The following GRIN2A variants were observed in gnomAD, a reference collection of about 807,000 sequenced individuals.
The protein encoded by GRIN2A is glutamate ionotropic receptor NMDA type subunit 2A.
A neutral mutation model predicts 113.4 loss-of-function variants in GRIN2A; 22 were observed. The observed-to-expected ratio is 0.19, with a 90% CI of 0.14 to 0.28. GRIN2A has a LOEUF of 0.28. Among genes scored for constraint, GRIN2A ranks in the 10% least tolerant of loss-of-function variants. GRIN2A has a pLI of 1.00. For synonymous variants in GRIN2A, 827 were observed against 738.4 expected, an observed-to-expected ratio of 1.12 and a Z score of -1.94; for missense variants, 1,502 against 1,887.0, an observed-to-expected ratio of 0.80 and a Z score of 3.78.
chr16:10,105,261 A>G (rs565455534), intron 2 of GRIN2A, among the ~76,000 whole-genome samples: 78 of 152,164 alleles, frequency 5.1e-4, no homozygotes, highest in Admixed American at 1.2e-3. Flanking sequence ...GCCCACCCCC[A>G]AAGAGGAAAA....
chr16:9,827,071 TG>T (rs36095019), intron 9 of GRIN2A, among the ~76,000 whole-genome samples: 40,236 of 152,152 alleles, frequency 0.26, 5,481 homozygotes, highest in African/African-American at 0.31. Context: ...GCTTCATGTC[TG>T]CAGAGGGATT....
intron 2 of GRIN2A, among the ~76,000 whole-genome samples, chr16:10,038,117 T>C (rs1235296876): frequency 2.6e-5 from 4 of 152,166 alleles, no homozygotes; most frequent in Non-Finnish European, 4.4e-5. Flanking sequence ...GGTTGGGAAG[T>C]CCAAGATCAA....
At chr16:9,951,692 C>G (rs2045186598) in intron 2 of GRIN2A, among the ~76,000 whole-genome samples, 1 of 152,076 alleles carries the variant, frequency 6.6e-6, no homozygotes, top group South Asian at 2.1e-4. Flanking sequence ...TTGTTTTTTT[C>G]TCCGAAGTGA....
At chr16:9,962,389 C>T (rs867186428) in intron 2 of GRIN2A, among the ~76,000 whole-genome samples, 27 of 152,194 alleles carry the variant, frequency 1.8e-4, no homozygotes, top group Non-Finnish European at 2.4e-4. Flanking sequence ...TATCCAGAAT[C>T]TACAATGAAC....
intron 10 of GRIN2A, among the ~76,000 whole-genome samples, chr16:9,813,299 T>C (rs149491052): frequency 2.0e-5 from 3 of 152,304 alleles, no homozygotes; most frequent in Non-Finnish European, 2.9e-5. Flanking sequence ...ATGCACCGAC[T>C]CAACTTGTAT....
At chr16:9,986,958 A>C (rs992948663) in intron 2 of GRIN2A, among the ~76,000 whole-genome samples, 2 of 152,072 alleles carry the variant, frequency 1.3e-5, no homozygotes, top group Non-Finnish European at 2.9e-5. Context: ...TTCAGTGTGC[A>C]TATACCCGAG....
intron 2 of GRIN2A, among the ~76,000 whole-genome samples, chr16:9,999,377 T>A (rs2046282527): frequency 6.6e-6 from 1 of 152,088 alleles, no homozygotes; most frequent in African/African-American, 2.4e-5. Context: ...ATAAAGAAAA[T>A]GTGGCACATA....
chr16:9,916,664 CT>C (rs1389212579), intron 3 of GRIN2A, among the ~76,000 whole-genome samples: 6 of 152,296 alleles, frequency 3.9e-5, no homozygotes, highest in African/African-American at 1.2e-4. Flanking sequence ...CGGTCCACTC[CT>C]AGCTCTTTTT....
At chr16:10,155,596 T>C (rs2049674740) in intron 2 of GRIN2A, among the ~76,000 whole-genome samples, 1 of 152,224 alleles carries the variant, frequency 6.6e-6, no homozygotes, top group Non-Finnish European at 1.5e-5. Flanking sequence ...TCTTTTCCAC[T>C]GAAAGAGCTC....
intron 3 of GRIN2A, among the ~76,000 whole-genome samples, chr16:9,930,620 G>A (rs1165547015): frequency 6.6e-6 from 1 of 152,180 alleles, no homozygotes. Flanking sequence ...TTGAGCATAT[G>A]GTGATCTCCC....
intron 2 of GRIN2A, among the ~76,000 whole-genome samples, chr16:10,122,763 G>C (rs567038766): frequency 4.6e-5 from 7 of 152,100 alleles, no homozygotes; most frequent in Admixed American, 1.3e-4. Context: ...GGAAATTGAC[G>C]CACGATCAGC....
intron 2 of GRIN2A, among the ~76,000 whole-genome samples, chr16:10,039,273 A>C (rs2047097014): frequency 6.6e-6 from 1 of 152,104 alleles, no homozygotes; most frequent in Admixed American, 6.5e-5. Flanking sequence ...GTTTTCTCAG[A>C]TGCTCTCTTG....
At chr16:9,808,240 A>G (rs2042019260) in intron 10 of GRIN2A, among the ~76,000 whole-genome samples, 1 of 152,234 alleles carries the variant, frequency 6.6e-6, no homozygotes, top group African/African-American at 2.4e-5. Context: ...TGCATTTCCA[A>G]GTGAAGGCAG....
intron 4 of GRIN2A, among the ~76,000 whole-genome samples, chr16:9,881,580 C>T (rs568457000): frequency 5.9e-5 from 9 of 152,144 alleles, no homozygotes; most frequent in Admixed American, 1.3e-4. Context: ...AGGAACTACA[C>T]GTATAAAAAG....
At chr16:9,883,908 C>T (rs1466687443) in intron 4 of GRIN2A, among the ~76,000 whole-genome samples, 2 of 152,180 alleles carry the variant, frequency 1.3e-5, no homozygotes, top group Non-Finnish European at 2.9e-5. Context: ...GGAAGGGTCT[C>T]CCTAATGTCT....
intron 1 of GRIN2A, among the ~76,000 whole-genome samples, chr16:10,181,038 G>T (rs2050259823): frequency 6.6e-6 from 1 of 152,114 alleles, no homozygotes; most frequent in African/African-American, 2.4e-5. Context: ...CTACAGACCC[G>T]GCTCCTCTCA....
chr16:9,825,241 A>G (rs367879097), intron 9 of GRIN2A, among the ~76,000 whole-genome samples: 22 of 152,306 alleles, frequency 1.4e-4, no homozygotes, highest in East Asian at 1.4e-3. Flanking sequence ...CCTGAGCCTG[A>G]ATTTCTCTAT....
chr16:9,845,849 A>G (rs1017448464), intron 5 of GRIN2A, among the ~76,000 whole-genome samples: 3 of 152,194 alleles, frequency 2.0e-5, no homozygotes, highest in African/African-American at 7.2e-5. Flanking sequence ...TTATTACAAC[A>G]TGGGGTCACC....
chr16:10,154,807 G>C (rs1428608155), intron 2 of GRIN2A, among the ~76,000 whole-genome samples: 2 of 152,158 alleles, frequency 1.3e-5, no homozygotes, highest in Non-Finnish European at 2.9e-5. Flanking sequence ...GCACAGACAA[G>C]TGCCAGAAAA....
Sources: allele counts gnomAD v4.1 joint callset (sites outside exome capture counted in the v4.1 genomes callset), GRCh38; gene constraint gnomAD v4.1.1; transcripts MANE v1.5; gene names NCBI Gene and HGNC (gene_info 2026-07-23, HGNC 2026-07-21).